Variants in FGF12 observed in about 807,000 individuals in gnomAD.
FGF12 encodes fibroblast growth factor 12B.
In FGF12, 14 loss-of-function variants were observed where a neutral mutation model predicts 23.6. That is an observed-to-expected ratio of 0.59 (90% confidence interval 0.39 to 0.93). The LOEUF is 0.93. FGF12 is among the 40% of genes least tolerant of loss of function. The probability of loss-of-function intolerance (pLI) is 0.00; values close to 1 mark genes in which losing one functional copy is unlikely to be tolerated. For synonymous variants in FGF12, 62 were observed against 77.3 expected, an observed-to-expected ratio of 0.80 and a Z score of 1.04; for missense variants, 175 against 217.8, an observed-to-expected ratio of 0.80 and a Z score of 1.24.
chr3:192,438,157 G>A (rs1309768376), intron 2 of FGF12, among the ~76,000 whole-genome samples: 2 of 152,158 alleles, frequency 1.3e-5, no homozygotes, highest in African/African-American at 4.8e-5. Flanking sequence ...ACCCGTTGAT[G>A]AGATCCTATT....
At chr3:192,363,938 T>C (rs991286895) in intron 2 of FGF12, among the ~76,000 whole-genome samples, 7 of 152,192 alleles carry the variant, frequency 4.6e-5, no homozygotes, top group African/African-American at 1.7e-4. Flanking sequence ...GTCTAATGCA[T>C]GAAACATATT....
At chr3:192,616,375 G>A (rs1714755159) in intron 2 of FGF12, among the ~76,000 whole-genome samples, 1 of 151,972 alleles carries the variant, frequency 6.6e-6, no homozygotes, top group Non-Finnish European at 1.5e-5. Flanking sequence ...TTAGTTTATT[G>A]TTTATTTAGG....
chr3:192,406,614 A>C (rs1396826801), intron 2 of FGF12, among the ~76,000 whole-genome samples: 2 of 152,196 alleles, frequency 1.3e-5, no homozygotes, highest in Non-Finnish European at 2.9e-5. Context: ...AATAGAGACT[A>C]ATAGCTCCTG....
chr3:192,491,169 T>C (rs1302882431), intron 2 of FGF12, among the ~76,000 whole-genome samples: 4 of 152,136 alleles, frequency 2.6e-5, no homozygotes, highest in Non-Finnish European at 1.5e-5. Flanking sequence ...TATTCCTCCA[T>C]AGAATTTTGT....
At chr3:192,476,904 CT>C (rs1231416952) in intron 2 of FGF12, among the ~76,000 whole-genome samples, 1 of 152,102 alleles carries the variant, frequency 6.6e-6, no homozygotes, top group Non-Finnish European at 1.5e-5. Context: ...CTGATAAATG[CT>C]TTCGGATGAT....
chr3:192,319,981 A>G (rs1364790152), intron 4 of FGF12, among the ~76,000 whole-genome samples: 1 of 152,224 alleles, frequency 6.6e-6, no homozygotes, highest in East Asian at 1.9e-4. Flanking sequence ...CAAAGTGGCC[A>G]GAACAAAATT....
intron 4 of FGF12, among the ~76,000 whole-genome samples, chr3:192,184,458 A>G (rs760481773): frequency 3.3e-5 from 5 of 152,226 alleles, no homozygotes; most frequent in African/African-American, 4.8e-5. Context: ...GATTCTTTTT[A>G]TATGAACAGG....
chr3:192,468,763 GTTC>G (rs141038768), intron 2 of FGF12, among the ~76,000 whole-genome samples: 11,228 of 152,056 alleles, frequency 0.074, 1,368 homozygotes, highest in African/African-American at 0.25. Context: ...ACAAATATCT[GTTC>G]TTCTCAAAAA....
In FGF12 at chr3:192,158,427, C is replaced by CT. The variant is rs1431641628; in HGVS notation, c.427+12030dup. Among the ~76,000 whole-genome samples, 2 of 126,966 alleles carry CT rather than the reference C, an allele frequency of 1.6e-5. 1 individual carries two copies. The highest frequency in any genetic ancestry group is 3.3e-5 in the Non-Finnish European group (2 of 60,508). The allele number at this position is 126,966 out of a possible 152,430, so 83.3% of individuals were successfully genotyped here. A position where few individuals can be genotyped will look rare whatever the true frequency, so the allele number is the denominator to read the frequency against. The stretch of plus-strand genomic sequence containing the variant: ...TTTTTCTTTCTTTCTCTTTCTTTTT[C>CT]TTTTTTCTTTCTTTCTTTCTTCTTT... On this transcript the variant is annotated intron_variant, in intron 5 of 5. Transcript: ENST00000445105.
chr3:192,463,437 T>C (rs556297653), intron 2 of FGF12, among the ~76,000 whole-genome samples: 145 of 152,198 alleles, frequency 9.5e-4, no homozygotes, highest in African/African-American at 3.2e-3. Flanking sequence ...AAGTTGTTGT[T>C]GTCGTTGTTC....
chr3:192,707,386 C>A (rs1361754932), intron 2 of FGF12, among the ~76,000 whole-genome samples: 1 of 151,950 alleles, frequency 6.6e-6, no homozygotes, highest in Non-Finnish European at 1.5e-5. Context: ...GGAAGAGAAC[C>A]AGAAGACAGG....
intron 2 of FGF12, among the ~76,000 whole-genome samples, chr3:192,537,950 C>CTTTTTTTTTTTTTTTTTT (rs370317111): frequency 0.078 from 9,267 of 118,438 alleles, 1,112 homozygotes; most frequent in Non-Finnish European, 0.12. Context: ...AGCCTTTAAC[C>CTTTTTTTTTTTTTTTTTT]TTTTTTTTTT....
intron 4 of FGF12, among the ~76,000 whole-genome samples, chr3:192,188,565 G>A (rs1215352528): frequency 1.3e-5 from 2 of 152,178 alleles, no homozygotes; most frequent in Non-Finnish European, 2.9e-5. Flanking sequence ...TCGATAATAA[G>A]TTTTTAGAAA....
intron 2 of FGF12, among the ~76,000 whole-genome samples, chr3:192,671,332 T>C (rs757778627): frequency 6.6e-6 from 1 of 152,154 alleles, no homozygotes; most frequent in African/African-American, 2.4e-5. Flanking sequence ...AGGTGAACAG[T>C]TGGGAAACTA....
At chr3:192,324,930 A>T (rs1005082634) in intron 4 of FGF12, among the ~76,000 whole-genome samples, 1 of 152,214 alleles carries the variant, frequency 6.6e-6, no homozygotes, top group Non-Finnish European at 1.5e-5. Context: ...TTTTCCAATT[A>T]AGGTTAGCCC....
chr3:192,271,146 T>C (rs2108628317), intron 4 of FGF12, among the ~76,000 whole-genome samples: 1 of 152,334 alleles, frequency 6.6e-6, no homozygotes, highest in Middle Eastern at 3.4e-3. Context: ...AAGACATCCA[T>C]GCATCATTTT....
chr3:192,643,371 C>T (rs1221394211), intron 2 of FGF12, among the ~76,000 whole-genome samples: 1 of 152,148 alleles, frequency 6.6e-6, no homozygotes, highest in Admixed American at 6.5e-5. Context: ...AGGAAACTAC[C>T]ACCAAAGGGG....
intron 2 of FGF12, among the ~76,000 whole-genome samples, chr3:192,610,703 A>T (rs1271867313): frequency 6.6e-6 from 1 of 151,910 alleles, no homozygotes; most frequent in Non-Finnish European, 1.5e-5. Flanking sequence ...CCATATTAGA[A>T]CCTGCAAGGC....
At chr3:192,507,950 C>T (rs746532725) in intron 2 of FGF12, among the ~76,000 whole-genome samples, 21 of 152,256 alleles carry the variant, frequency 1.4e-4, no homozygotes, top group South Asian at 6.2e-4. Context: ...ACCAACATGG[C>T]GATTCACTGG....
Sources: allele counts gnomAD v4.1 joint callset (sites outside exome capture counted in the v4.1 genomes callset), GRCh38; gene constraint gnomAD v4.1.1; transcripts MANE v1.5; gene names NCBI Gene and HGNC (gene_info 2026-07-23, HGNC 2026-07-21).